Variants in CACUL1 observed in about 807,000 individuals in gnomAD.
The protein encoded by CACUL1 is CDK2-associated and cullin domain-containing protein 1.
Under a neutral mutation model 45.2 loss-of-function variants are expected in CACUL1, and 13 were observed. That is an observed-to-expected ratio of 0.29 (90% CI 0.19 to 0.46). CACUL1 has a LOEUF of 0.46. CACUL1 is among the 20% of genes least tolerant of loss of function. The pLI, the probability that CACUL1 is intolerant of heterozygous loss-of-function variation, is 1.00. For missense variants in CACUL1, 421 were observed against 471.4 expected, an observed-to-expected ratio of 0.89 and a Z score of 0.99; for synonymous variants, 197 against 174.2, an observed-to-expected ratio of 1.13 and a Z score of -1.03.
chr10:118,691,252 A>G lies in CACUL1; in HGVS notation c.1025+13T>C, dbSNP rs1179624961. Reference sequence around the variant, plus strand: ...GACATATTTGACCACTAAAGGAAAAAAAAACAACTTGCCTTGTAAAACCAT... The same window carrying G: ...GACATATTTGACCACTAAAGGAAAAGAAAACAACTTGCCTTGTAAAACCAT... On this transcript the variant is annotated intron_variant, in intron 7 of 8. Coordinates refer to ENST00000369151, the MANE Select transcript of CACUL1 (RefSeq NM_153810.5). 2 of 1,606,918 alleles carry G rather than the reference A, an allele frequency of 1.2e-6. No individual in the cohort carries two copies. The highest frequency in any genetic ancestry group is 2.2e-5 in the East Asian group (1 of 44,800).
intron 1 of CACUL1, among the ~76,000 whole-genome samples, chr10:118,741,299 T>C (rs1171863379): frequency 1.3e-5 from 2 of 152,150 alleles, no homozygotes; most frequent in East Asian, 1.9e-4. Context: ...TCCTCGGAAA[T>C]GGAAAAGCAA....
At chr10:118,739,685 T>C (rs550096023) in intron 1 of CACUL1, among the ~76,000 whole-genome samples, 161 of 152,284 alleles carry the variant, frequency 1.1e-3, no homozygotes, top group Middle Eastern at 6.8e-3. Flanking sequence ...TCATTCCAAG[T>C]ATCTGGGAAG....
chr10:118,696,105 C>T (rs12412606), intron 5 of CACUL1, among the ~76,000 whole-genome samples: 14,576 of 152,192 alleles, frequency 0.096, 745 homozygotes, highest in Admixed American at 0.15. Context: ...CAGTCTCAAA[C>T]GTACAATTTG....
intron 8 of CACUL1, 80 bp downstream of exon 8, chr10:118,686,518 A>G (rs1018057098): frequency 1.1e-5 from 12 of 1,076,114 alleles, no homozygotes; most frequent in Non-Finnish European, 1.6e-5. Flanking sequence ...ATCAAATTCA[A>G]TGCACTGTTA....
At chr10:118,721,965 A>G (rs529305777) in intron 3 of CACUL1, among the ~76,000 whole-genome samples, 1 of 152,342 alleles carries the variant, frequency 6.6e-6, no homozygotes, top group East Asian at 1.9e-4. Flanking sequence ...GACAGTTTTA[A>G]AAGATTTTAT....
At chr10:118,709,576 A>G (rs1845465218) in intron 3 of CACUL1, among the ~76,000 whole-genome samples, 2 of 152,214 alleles carry the variant, frequency 1.3e-5, no homozygotes, top group African/African-American at 4.8e-5. Context: ...ATTCTACACA[A>G]GAACTAACTT....
chr10:118,719,863 C>T (rs1168393281), intron 3 of CACUL1, among the ~76,000 whole-genome samples: 2 of 151,860 alleles, frequency 1.3e-5, no homozygotes, highest in Non-Finnish European at 2.9e-5. Flanking sequence ...TCTGACATTC[C>T]ATTCTCATTC....
chr10:118,725,906 G>C (rs554995253), intron 3 of CACUL1, among the ~76,000 whole-genome samples: 1 of 152,298 alleles, frequency 6.6e-6, no homozygotes, highest in South Asian at 2.1e-4. Context: ...AACAGGATAT[G>C]CCTTGGGATA....
At position 118,754,537 on chromosome 10, in the gene CACUL1, T is replaced by C. The variant is rs752649723; in HGVS notation, c.226A>G (p.Met76Val). Residue 76 changes from methionine (M) to valine (V), a missense_variant, in exon 1 of 9, where the codon ATG becomes GTG. By Grantham distance (21) the Met-to-Val change is conservative. Around this residue, in one of 2 missense-constraint regions of CACUL1, gnomAD observed 213 missense variants for 173.1 expected, o/e 1.23. Transcript: ENST00000369151. ...DRKGPKEGLP[M>V]GPQPPPEANG... ...GCCTCCGGCGGTGGCTGCGGCCCCATCGGGAGCCCCTCCTTGGGGCCTTTC... is the reference window on the plus strand; with the variant it reads ...GCCTCCGGCGGTGGCTGCGGCCCCACCGGGAGCCCCTCCTTGGGGCCTTTC... 7 of 1,612,600 alleles carry C rather than the reference T, an allele frequency of 4.3e-6. No individual in the cohort carries two copies. Among genetic ancestry groups the C allele is most frequent in the Non-Finnish European group, 5.9e-6 (7 of 1,179,520 alleles).
intron 1 of CACUL1, among the ~76,000 whole-genome samples, chr10:118,740,998 G>A (rs535131448): frequency 2.0e-5 from 3 of 151,356 alleles, no homozygotes; most frequent in African/African-American, 7.3e-5. Flanking sequence ...AGGTATAAGA[G>A]AATTAAATCC....
rs1344742247 is a variant in CACUL1 at position 118,678,096 on chromosome 10, C to T, written c.*8032G>A. On this transcript the variant is annotated 3_prime_UTR_variant, in exon 9 of 9. Coordinates refer to ENST00000369151, the MANE Select transcript of CACUL1 (RefSeq NM_153810.5). ...ACTAATGAGGCTGAACATCTTTTCA[C>T]ATTTATGGGCCATTTCTGTTTCTTC... 3 of 152,232 alleles carry T rather than the reference C, an allele frequency of 2.0e-5. No homozygotes were observed. Among genetic ancestry groups the T allele is most frequent in the African/African-American group, 4.8e-5 (2 of 41,452 alleles). The allele number at this position is 152,232 out of a possible 1,614,324, so 9.4% of individuals were successfully genotyped here.
intron 3 of CACUL1, among the ~76,000 whole-genome samples, chr10:118,718,524 G>A (rs766209485): frequency 2.6e-5 from 4 of 152,208 alleles, no homozygotes; most frequent in Non-Finnish European, 4.4e-5. Flanking sequence ...GTTAAGCACA[G>A]GAGCTAGACA....
At chr10:118,696,460 G>T (rs1280829709) in intron 5 of CACUL1, among the ~76,000 whole-genome samples, 2 of 152,160 alleles carry the variant, frequency 1.3e-5, no homozygotes, top group Admixed American at 1.3e-4. Context: ...GGCCAACTTG[G>T]TGAAACCCCC....
At chr10:118,722,516 T>G (rs1845610910) in intron 3 of CACUL1, among the ~76,000 whole-genome samples, 1 of 152,180 alleles carries the variant, frequency 6.6e-6, no homozygotes, top group Non-Finnish European at 1.5e-5. Context: ...ATATGCACAC[T>G]GTTGACACTA....
At chr10:118,731,624 T>C (rs190746594) in intron 1 of CACUL1, among the ~76,000 whole-genome samples, 5 of 152,354 alleles carry the variant, frequency 3.3e-5, no homozygotes, top group East Asian at 3.9e-4. Flanking sequence ...GAGTCCCATT[T>C]ACATGATACT....
At position 118,695,202 on chromosome 10, in the gene CACUL1, T is replaced by C; in HGVS notation, c.825A>G (p.Pro275=). The change falls in exon 6 of 9, where the codon CCA becomes CCG. Residue 275 remains proline, a synonymous_variant. Transcript: ENST00000369151. ...CCATAGTTGAAGGTGTGACCTGAAA[T>C]GGTGTTGACTGGGCTTCTAAAAGTA... ...MPLLLEAQST[P]FQVTPSTMAN... is the part of the protein sequence containing the mutation. 10 of 1,606,986 alleles carry C rather than the reference T, an allele frequency of 6.2e-6. No homozygotes were observed. Among genetic ancestry groups the C allele is most frequent in the African/African-American group, 1.3e-5 (1 of 74,908 alleles).
chr10:118,726,196 G>A (rs2119634503), intron 3 of CACUL1: 1 of 608,170 alleles, frequency 1.6e-6, no homozygotes, highest in South Asian at 1.6e-5. Context: ...CTGTCCCCAT[G>A]AAAACTGCCT....
intron 3 of CACUL1, among the ~76,000 whole-genome samples, chr10:118,714,728 T>C (rs1845525230): frequency 6.6e-6 from 1 of 152,224 alleles, no homozygotes; most frequent in South Asian, 2.1e-4. Context: ...CGGTGTCCCA[T>C]TTCTTTACAT....
intron 5 of CACUL1, among the ~76,000 whole-genome samples, chr10:118,699,003 T>G (rs530680591): frequency 6.6e-6 from 1 of 152,348 alleles, no homozygotes; most frequent in East Asian, 1.9e-4. Context: ...GTTTAAACTT[T>G]AACCTCTCTT....
Sources: gnomAD v4.1 joint callset for allele counts (sites outside exome capture counted in the v4.1 genomes callset) on GRCh38, gnomAD v4.1.1 for gene constraint, gnomAD v4.1.1 regional missense constraint, MANE v1.5 for transcripts, NCBI Gene and HGNC (gene_info 2026-07-23, HGNC 2026-07-21) for gene names.